The following ADAMTS18 variants were observed in gnomAD, a reference collection of about 807,000 sequenced individuals.
ADAMTS18 encodes ADAM metallopeptidase with thrombospondin type 1 motif 18.
Under a neutral mutation model 165.9 loss-of-function variants are expected in ADAMTS18, and 157 were observed. The observed-to-expected ratio is 0.95, with a 90% CI of 0.83 to 1.08. ADAMTS18 has a LOEUF of 1.08. Ranked by LOEUF, ADAMTS18 falls within the 50% of genes least tolerant of loss-of-function variation. The pLI, the probability that ADAMTS18 is intolerant of heterozygous loss-of-function variation, is 0.00. For missense variants in ADAMTS18, 2,040 were observed against 1,534.0 expected (o/e 1.33, Z -5.51); for synonymous variants, 782 against 578.2 (o/e 1.35, Z -5.06).
intron 10 of ADAMTS18, among the ~76,000 whole-genome samples, chr16:77,346,239 C>A (rs1437986945): frequency 1.3e-5 from 2 of 152,200 alleles, no homozygotes; most frequent in Non-Finnish European, 2.9e-5. Context: ...GCTTCATTTA[C>A]AACATCATTG....
intron 20 of ADAMTS18, among the ~76,000 whole-genome samples, chr16:77,292,827 C>CTT (rs551979191): frequency 6.7e-6 from 1 of 150,150 alleles, no homozygotes; most frequent in Admixed American, 6.6e-5. Context: ...CCAGCAGTGA[C>CTT]TTTTTTTTTT....
intron 16 of ADAMTS18, among the ~76,000 whole-genome samples, chr16:77,306,474 T>C (rs1366373029): frequency 2.0e-5 from 3 of 152,264 alleles, no homozygotes; most frequent in Non-Finnish European, 4.4e-5. Context: ...TCTCTTTCTT[T>C]CGTCCCCACT....
At chr16:77,404,930 G>T (rs954984116) in intron 3 of ADAMTS18, among the ~76,000 whole-genome samples, 2 of 152,178 alleles carry the variant, frequency 1.3e-5, no homozygotes, top group Non-Finnish European at 2.9e-5. Flanking sequence ...TATCACAGAA[G>T]AATTTTTGCT....
intron 13 of ADAMTS18, among the ~76,000 whole-genome samples, chr16:77,325,491 G>A (rs143482449): frequency 5.3e-4 from 80 of 152,000 alleles, no homozygotes; most frequent in African/African-American, 1.8e-3. Flanking sequence ...TACTGTGTAC[G>A]GTGCCTCTAT....
At chr16:77,320,886 T>A (rs554493781) in intron 15 of ADAMTS18, among the ~76,000 whole-genome samples, 193 bp downstream of exon 15, 1 of 152,210 alleles carries the variant, frequency 6.6e-6, no homozygotes, top group Non-Finnish European at 1.5e-5. Context: ...TTATTTGGCA[T>A]GTTTCTACGA....
chr16:77,335,945 C>T (rs1440999169), intron 11 of ADAMTS18, 41 bp from the exon 12 acceptor site: 1 of 1,613,616 alleles, frequency 6.2e-7, no homozygotes, highest in Non-Finnish European at 8.5e-7. Context: ...TCAGAGACCA[C>T]CTGGGAAAGC....
chr16:77,382,631 T>C (rs551645377), intron 3 of ADAMTS18, among the ~76,000 whole-genome samples: 1 of 152,344 alleles, frequency 6.6e-6, no homozygotes, highest in East Asian at 1.9e-4. Flanking sequence ...TTGTGCCTCA[T>C]AATCCTCTTT....
chr16:77,387,667 A>G (rs189043908), intron 3 of ADAMTS18, among the ~76,000 whole-genome samples: 2 of 152,336 alleles, frequency 1.3e-5, no homozygotes, highest in African/African-American at 4.8e-5. Context: ...GATCACATTA[A>G]GAAAATCAGC....
intron 3 of ADAMTS18, among the ~76,000 whole-genome samples, chr16:77,411,731 G>C (rs1007237766): frequency 7.5e-6 from 1 of 133,120 alleles, no homozygotes; most frequent in African/African-American, 2.9e-5. Flanking sequence ...CTGTCACCTG[G>C]GCTGGAGTGC....
At chr16:77,384,490 G>T (rs2057077543) in intron 3 of ADAMTS18, among the ~76,000 whole-genome samples, 2 of 152,136 alleles carry the variant, frequency 1.3e-5, no homozygotes, top group Admixed American at 1.3e-4. Flanking sequence ...ACTGAATAGG[G>T]GAATATGCAA....
intron 17 of ADAMTS18, among the ~76,000 whole-genome samples, chr16:77,299,679 C>T (rs1381105621): frequency 2.6e-5 from 4 of 152,216 alleles, no homozygotes; most frequent in East Asian, 1.9e-4. Flanking sequence ...ACATTGTTCA[C>T]ATCTAAATAA....
intron 7 of ADAMTS18, among the ~76,000 whole-genome samples, chr16:77,359,957 G>A (rs1219303061): frequency 6.6e-6 from 1 of 152,128 alleles, no homozygotes; most frequent in Non-Finnish European, 1.5e-5. Context: ...TTATAATGTG[G>A]TAAGTGCTTC....
At chr16:77,388,618 G>C (rs2057142597) in intron 3 of ADAMTS18, among the ~76,000 whole-genome samples, 1 of 152,140 alleles carries the variant, frequency 6.6e-6, no homozygotes, top group African/African-American at 2.4e-5. Flanking sequence ...CTTGCTCTGA[G>C]CACTGAAGGC....
intron 12 of ADAMTS18, among the ~76,000 whole-genome samples, chr16:77,331,524 T>G (rs2056189210): frequency 1.3e-5 from 2 of 152,182 alleles, no homozygotes; most frequent in African/African-American, 2.4e-5. Context: ...CTGGTATAAG[T>G]TGCAAATGCA....
intron 9 of ADAMTS18, among the ~76,000 whole-genome samples, chr16:77,354,180 C>T (rs1029565367): frequency 6.6e-6 from 1 of 152,160 alleles, no homozygotes; most frequent in Non-Finnish European, 1.5e-5. Flanking sequence ...AAACTCCCAT[C>T]AACAATCTTA....
At position 77,341,785 on chromosome 16, in the gene ADAMTS18, T is replaced by G. The variant is rs1388006026; in HGVS notation, c.1629A>C (p.Ser543=). Residue 543 remains serine (S), a synonymous_variant, in exon 11 of 23, where the codon TCA becomes TCC. Coordinates refer to ENST00000282849, the MANE Select transcript of ADAMTS18 (RefSeq NM_199355.4). ...TGTGGCCTACTCGGTGGCACCAAAG[T>G]GATTTGCAAATATCCTGAAATAAAA... ...SLGFVKDICK[S]LWCHRVGHRC... The G allele has an allele frequency of 6.2e-7, 1 of 1,612,500 alleles. No homozygotes were observed. The highest frequency in any genetic ancestry group is 2.2e-5 in the East Asian group (1 of 44,836).
At chr16:77,426,909 G>T (rs1597262069) in intron 3 of ADAMTS18, among the ~76,000 whole-genome samples, 3 of 152,120 alleles carry the variant, frequency 2.0e-5, no homozygotes, top group Admixed American at 2.0e-4. Flanking sequence ...AGCTACTTGG[G>T]GGGCTGAGTT....
intron 8 of ADAMTS18, 133 bp from the exon 9 acceptor site, chr16:77,356,210 A>G: frequency 8.4e-7 from 1 of 1,186,194 alleles, no homozygotes. Flanking sequence ...ACTGGAAAAG[A>G]GAAAGGCAAA....
At chr16:77,367,366 G>A (rs1211781200) in intron 4 of ADAMTS18, 75 bp downstream of exon 4, 3 of 1,579,256 alleles carry the variant, frequency 1.9e-6, no homozygotes, top group East Asian at 4.5e-5. Flanking sequence ...TGCAAAGCTT[G>A]TACACCCAAC....
Sources: allele counts gnomAD v4.1 joint callset (sites outside exome capture counted in the v4.1 genomes callset), GRCh38; gene constraint gnomAD v4.1.1; transcripts MANE v1.5; gene names NCBI Gene and HGNC (gene_info 2026-07-23, HGNC 2026-07-21).